TRIM4: variants seen among roughly 807,000 people sequenced by gnomAD.
TRIM4 encodes E3 ubiquitin-protein ligase TRIM4.
In TRIM4, 29 loss-of-function variants were observed where a neutral mutation model predicts 33.7. The observed-to-expected ratio is 0.86, with a 90% confidence interval of 0.64 to 1.17. The LOEUF is 1.17. Ranked by LOEUF, TRIM4 falls within the 50% of genes most tolerant of loss-of-function variation. The probability of loss-of-function intolerance (pLI) is 0.00; values close to 1 mark genes in which losing one functional copy is unlikely to be tolerated. For synonymous variants in TRIM4, 224 were observed against 233.0 expected (o/e 0.96, Z 0.35); for missense variants, 554 against 593.7 (o/e 0.93, Z 0.69).
At chr7:99,913,563 C>T (rs904893702) in intron 1 of TRIM4, among the ~76,000 whole-genome samples, 8 of 151,974 alleles carry the variant, frequency 5.3e-5, no homozygotes, top group Non-Finnish European at 1.5e-5. Flanking sequence ...CCCAGCTACT[C>T]AGGAAGCTGA....
chr7:99,892,673 A>G lies in TRIM4; in HGVS notation c.915T>C (p.Asn305=). The change falls in exon 6 of 6, where the codon AAT becomes AAC. Residue 305 remains asparagine (N), a synonymous_variant. Coordinates refer to ENST00000349062, the MANE Select transcript of TRIM4 (RefSeq NM_033091.3). ...CTGGCCAAGAACTGGCTGATGCTGT[A>G]TTTTTCACGTATCTCCCTTCCTGGG... The part of the protein sequence containing the change: ...VFSQEGRYVK[N]TASASSWPVF... 6.2e-7 allele frequency: 1 copy of G among 1,614,122 alleles called. No individual in the cohort carries two copies. The highest frequency in any genetic ancestry group is 8.5e-7 in the Non-Finnish European group (1 of 1,180,018).
chr7:99,919,140 C>T lies in TRIM4; in HGVS notation c.262G>A (p.Gly88Ser), dbSNP rs891670904. The T allele has an allele frequency of 6.0e-6, 9 of 1,506,426 alleles. No individual in the cohort carries two copies. The highest frequency in any genetic ancestry group is 8.0e-6 in the Non-Finnish European group (9 of 1,126,076). 93.3% of individuals were successfully genotyped at this position (1,506,426 alleles called of 1,614,324 possible). A position where few individuals can be genotyped will look rare whatever the true frequency, so the allele number is the denominator to read the frequency against. Residue 88 changes from glycine to serine, a missense_variant, in exon 1 of 6, where the codon GGC becomes AGC. Gly to Ser is a moderately conservative substitution (Grantham distance 56). Around this residue, in one of 3 missense-constraint regions of TRIM4, gnomAD observed 233 missense variants for 203.1 expected, o/e 1.15. Transcript: ENST00000349062. The part of the protein sequence containing the change: ...RLGPVPPGLC[G>S]RHWEPLRLFC... Reference sequence around the variant, plus strand: ...AGCCGCAGCGGCTCCCAGTGGCGGCCGCACAGGCCCGGGGGCACGGGGCCC... The same window carrying T: ...AGCCGCAGCGGCTCCCAGTGGCGGCTGCACAGGCCCGGGGGCACGGGGCCC...
At chr7:99,898,761 G>T (rs1282974030) in intron 5 of TRIM4, among the ~76,000 whole-genome samples, 1 of 152,196 alleles carries the variant, frequency 6.6e-6, no homozygotes, top group Non-Finnish European at 1.5e-5. Flanking sequence ...CTTAACTGCT[G>T]CCCTGGGTGG....
chr7:99,892,724 G>A lies in TRIM4; in HGVS notation c.864C>T (p.Asp288=). The A allele has an allele frequency of 6.2e-7, 1 of 1,613,318 alleles. No individual in the cohort carries two copies. Among genetic ancestry groups the A allele is most frequent in the Non-Finnish European group, 8.5e-7 (1 of 1,179,856 alleles). The change falls in exon 6 of 6, where the codon GAC becomes GAT. Residue 288 remains aspartate (D), a synonymous_variant. Coordinates refer to ENST00000349062, the MANE Select transcript of TRIM4 (RefSeq NM_033091.3). The part of the protein sequence containing the change: ...RFQVAVNLAE[D]TAHPKLVFSQ... ...AGAAGACGAGTTTGGGATGAGCTGTGTCTTCAGCTAGGTTTACAGCCACTG... is the reference window on the plus strand; with the variant it reads ...AGAAGACGAGTTTGGGATGAGCTGTATCTTCAGCTAGGTTTACAGCCACTG...
Position 99,892,401 on chromosome 7 carries a change from C to T in TRIM4, c.1187G>A (p.Ser396Asn). 6.2e-7 allele frequency: 1 copy of T among 1,614,134 alleles called. No individual in the cohort carries two copies. The highest frequency in any genetic ancestry group is 8.5e-7 in the Non-Finnish European group (1 of 1,180,016). The change falls in exon 6 of 6, where the codon AGT becomes AAT. Residue 396 changes from serine to asparagine, a missense_variant. Physicochemically the swap from Ser to Asn is conservative, Grantham distance 46. This residue lies in a region of TRIM4 where 290 missense variants were observed against 335.8 expected (regional missense o/e 0.86). Coordinates refer to ENST00000349062, the MANE Select transcript of TRIM4 (RefSeq NM_033091.3). The stretch of plus-strand genomic sequence containing the variant: ...TATCAAGGGCCAATAGCCAGCAGCA[C>T]TCCAATAAATCGCCCAGATGCCCAC... ...PDVGIWAIYW[S>N]AAGYWPLIGF...
chr7:99,892,171 T>C lies in TRIM4; in HGVS notation c.1417A>G (p.Arg473Gly). The change falls in exon 6 of 6, where the codon AGG (arginine) becomes GGG (glycine). Residue 473 changes from arginine to glycine, a missense_variant. Arg to Gly is a moderately radical substitution (Grantham distance 125, BLOSUM62 -2). This residue lies in a region of TRIM4 where 290 missense variants were observed against 335.8 expected (regional missense o/e 0.86). Transcript: ENST00000349062. ...TCAGGGGAAGAAAAGCCTCATTTCCTATCAGTCACTGGTGGAATGACTAAA... is the reference window on the plus strand; with the variant it reads ...TCAGGGGAAGAAAAGCCTCATTTCCCATCAGTCACTGGTGGAATGACTAAA... ...ASLVIPPVTD[R>G]K 1 of 1,605,384 alleles carries C rather than the reference T, an allele frequency of 6.2e-7. No individual in the cohort carries two copies. Among genetic ancestry groups the C allele is most frequent in the Non-Finnish European group, 8.5e-7 (1 of 1,176,196 alleles).
At chr7:99,898,913 G>C (rs532869534) in intron 5 of TRIM4, among the ~76,000 whole-genome samples, 1 of 152,330 alleles carries the variant, frequency 6.6e-6, no homozygotes, top group South Asian at 2.1e-4. Flanking sequence ...GCTTTCTGTA[G>C]AGTATGATTG....
intron 2 of TRIM4, among the ~76,000 whole-genome samples, chr7:99,909,133 G>GGTGTGGGTGTGTGT (rs1554452962): frequency 3.4e-5 from 5 of 148,410 alleles, no homozygotes; most frequent in Admixed American, 1.3e-4. Flanking sequence ...GGAGTGTGAG[G>GGTGTGGGTGTGTGT]GTGTGTGTGT....
chr7:99,909,161 T>C (rs535824192), intron 2 of TRIM4, among the ~76,000 whole-genome samples: 2 of 150,152 alleles, frequency 1.3e-5, no homozygotes, highest in African/African-American at 5.0e-5. Context: ...TGTGTGTGCG[T>C]GTGTGTGTGC....
chr7:99,902,104 A>C, intron 5 of TRIM4: 1 of 765,080 alleles, frequency 1.3e-6, no homozygotes, highest in Non-Finnish European at 2.4e-6. Context: ...TCACTGCCTG[A>C]CGTCTGGTGC....
intron 1 of TRIM4, among the ~76,000 whole-genome samples, chr7:99,918,290 G>T (rs959410755): frequency 1.3e-5 from 2 of 152,144 alleles, no homozygotes; most frequent in African/African-American, 4.8e-5. Context: ...CATTGAGGCC[G>T]GGCGTGGTGA....
At chr7:99,907,912 T>C (rs980465641) in intron 3 of TRIM4, among the ~76,000 whole-genome samples, 4 of 152,170 alleles carry the variant, frequency 2.6e-5, no homozygotes, top group Non-Finnish European at 5.9e-5. Flanking sequence ...ATGAATTATT[T>C]CAGCAAAAAG....
chr7:99,913,908 C>T (rs965951439), intron 1 of TRIM4, among the ~76,000 whole-genome samples: 4 of 152,138 alleles, frequency 2.6e-5, no homozygotes, highest in Non-Finnish European at 5.9e-5. Flanking sequence ...AGCAAGTCAG[C>T]CTTGCTTATT....
At position 99,908,568 on chromosome 7, in the gene TRIM4, C is replaced by T. The variant is rs767434735; in HGVS notation, c.720+14G>A. On this transcript the variant is annotated intron_variant, in intron 3 of 5. Transcript: ENST00000349062. Reference sequence around the variant, plus strand: ...TAGTGAAGATGAGATCACCCCCACTCGTAACTGTCTCACCTGAAGCAGCTC... The same window carrying T: ...TAGTGAAGATGAGATCACCCCCACTTGTAACTGTCTCACCTGAAGCAGCTC... The T allele has an allele frequency of 3.3e-5, 53 of 1,594,074 alleles. No individual in the cohort carries two copies. Among genetic ancestry groups the T allele is most frequent in the South Asian group, 2.7e-4 (24 of 89,534 alleles).
intron 5 of TRIM4, among the ~76,000 whole-genome samples, chr7:99,894,217 T>C (rs951141837): frequency 2.0e-5 from 3 of 152,348 alleles, no homozygotes; most frequent in South Asian, 4.1e-4. Context: ...GTATAATTCT[T>C]TTCTCTTGTG....
rs565805248 is a variant in TRIM4 at position 99,899,715 on chromosome 7, C to T, written c.841+3503G>A. ...ATTAGGGTTCTCCAAAGGAACAGAA[C>T]CAAAAGGATATATATGTCTGTGTCT... On this transcript the variant is annotated intron_variant, in intron 5 of 5. Coordinates refer to ENST00000349062, the MANE Select transcript of TRIM4 (RefSeq NM_033091.3). Among the ~76,000 whole-genome samples the T allele has an allele frequency of 9.2e-5, 14 of 152,240 alleles. No individual in the cohort carries two copies. In the South Asian group the frequency reaches 2.3e-3, roughly 25 times the overall value.
intron 1 of TRIM4, among the ~76,000 whole-genome samples, chr7:99,914,254 T>G (rs573834932): frequency 2.0e-5 from 3 of 152,234 alleles, no homozygotes; most frequent in Non-Finnish European, 4.4e-5. Flanking sequence ...AACTCCTGAG[T>G]GCAAGTGATC....
At chr7:99,905,063 T>A (rs1482280554) in intron 3 of TRIM4, among the ~76,000 whole-genome samples, 2 of 147,166 alleles carry the variant, frequency 1.4e-5, no homozygotes, top group Non-Finnish European at 3.0e-5. Flanking sequence ...AAAAAAAAAA[T>A]AGCTTTATCA....
intron 5 of TRIM4, chr7:99,901,062 G>A (rs948033897): frequency 6.6e-6 from 1 of 152,036 alleles, no homozygotes; most frequent in African/African-American, 2.4e-5. Flanking sequence ...TTTCAGGGAC[G>A]CCAATCACCA....
Sources: allele counts gnomAD v4.1 joint callset (sites outside exome capture counted in the v4.1 genomes callset), GRCh38; gene constraint gnomAD v4.1.1; regional missense constraint gnomAD v4.1.1; transcripts MANE v1.5; gene names NCBI Gene and HGNC (gene_info 2026-07-23, HGNC 2026-07-21).